The following ZKSCAN7 variants were observed in gnomAD, a reference collection of about 807,000 sequenced individuals.
ZKSCAN7 encodes zinc finger protein with KRAB and SCAN domains 7.
ZKSCAN7 carries 38 observed loss-of-function variants against 65.3 expected under a neutral mutation model. The observed-to-expected ratio is 0.58, with a 90% CI of 0.45 to 0.76. The LOEUF (loss-of-function observed/expected upper bound fraction) is 0.76, where lower values mean the gene tolerates loss of function less well. ZKSCAN7 is among the 30% of genes least tolerant of loss of function. The pLI is 0.00. For missense variants in ZKSCAN7, 815 were observed against 913.3 expected (o/e 0.89, Z 1.39); for synonymous variants, 321 against 321.0 (o/e 1.00, Z 0.00).
In ZKSCAN7 at chr3:44,568,350, A is replaced by T; in HGVS notation, c.728A>T (p.Lys243Met). The T allele has an allele frequency of 6.2e-7, 1 of 1,614,160 alleles. No homozygotes were observed. Among genetic ancestry groups the T allele is most frequent in the Non-Finnish European group, 8.5e-7 (1 of 1,180,028 alleles). Residue 243 changes from lysine (K) to methionine (M), a missense_variant, in exon 5 of 6, where the codon AAG becomes ATG. Physicochemically the swap from Lys to Met is moderately conservative, Grantham distance 95. Coordinates refer to ENST00000426540, the MANE Select transcript of ZKSCAN7 (RefSeq NM_001288590.2). ...GACCTATCTGTAGACTACACTCAGA[A>T]GAAATGGAAAAGTCTCACACTCAGT... The part of the protein sequence containing the change: ...YEDLSVDYTQ[K>M]KWKSLTLSQR...
In ZKSCAN7 at chr3:44,572,082, T is replaced by A. The variant is rs1699822054; in HGVS notation, c.*707T>A. On this transcript the variant is annotated 3_prime_UTR_variant, in exon 6 of 6. Transcript: ENST00000426540. ...CCAACTTATTGTAGGCTCTTTGAGG[T>A]CAGGTATGTATTTCTTTCCCATATA... The A allele has an allele frequency of 4.1e-6, 4 of 984,392 alleles. No homozygotes were observed. The highest frequency in any genetic ancestry group is 4.8e-6 in the Non-Finnish European group (4 of 828,970). 61.0% of individuals were successfully genotyped at this position (984,392 alleles called of 1,614,324 possible).
chr3:44,569,205 G>C (rs1034727254), intron 5 of ZKSCAN7, among the ~76,000 whole-genome samples: 3 of 152,186 alleles, frequency 2.0e-5, no homozygotes, highest in Non-Finnish European at 4.4e-5. Context: ...AGTACCTGGT[G>C]CCAGTCCAAT....
chr3:44,560,799 C>T (rs62242341), intron 2 of ZKSCAN7, among the ~76,000 whole-genome samples: 3,149 of 152,316 alleles, frequency 0.021, 46 homozygotes, highest in Non-Finnish European at 0.032. Flanking sequence ...TGAGCCACCA[C>T]GCCTGGCCTG....
chr3:44,573,264 C>CCTTCT (rs1386623924), downstream of ZKSCAN7, among the ~76,000 whole-genome samples: 4 of 152,226 alleles, frequency 2.6e-5, no homozygotes, highest in Non-Finnish European at 5.9e-5. Flanking sequence ...TTGTCTACCT[C>CCTTCT]CTTCTCTTTC....
At chr3:44,556,664 G>A (rs1699302771) in intron 1 of ZKSCAN7, among the ~76,000 whole-genome samples, 1 of 152,222 alleles carries the variant, frequency 6.6e-6, no homozygotes, top group African/African-American at 2.4e-5. Flanking sequence ...TACTTGGGGT[G>A]AGTGGTAGAG....
chr3:44,578,478 G>A (rs1021498767), intron 5 of ZKSCAN7, among the ~76,000 whole-genome samples: 6 of 152,226 alleles, frequency 3.9e-5, no homozygotes, highest in Admixed American at 1.3e-4. Context: ...TGGTTCTCAC[G>A]CTGGCACTGC....
Position 44,571,006 on chromosome 3 carries a change from A to G in ZKSCAN7, c.1896A>G (p.Glu632=). The G allele has an allele frequency of 6.2e-7, 1 of 1,614,124 alleles. No homozygotes were observed. Among genetic ancestry groups the G allele is most frequent in the Non-Finnish European group, 8.5e-7 (1 of 1,180,014 alleles). The change falls in exon 6 of 6, where the codon GAA becomes GAG. Residue 632 remains glutamate, a synonymous_variant. Coordinates refer to ENST00000426540, the MANE Select transcript of ZKSCAN7 (RefSeq NM_001288590.2). Reference sequence around the variant, plus strand: ...GGCACCAGAGACTTCACACGGGTGAAAAGCCCTATAAATGCAATGAGTGTG... The same window carrying G: ...GGCACCAGAGACTTCACACGGGTGAGAAGCCCTATAAATGCAATGAGTGTG... ...LIRHQRLHTG[E]KPYKCNECGK...
At chr3:44,579,959 G>A (rs986746784) in intron 5 of ZKSCAN7, 23 of 1,547,332 alleles carry the variant, frequency 1.5e-5, no homozygotes, top group East Asian at 5.0e-5. Context: ...AAGCCGAGGC[G>A]TCTGGGAGAG....
At chr3:44,579,322 G>A (rs1282467930) in intron 5 of ZKSCAN7, among the ~76,000 whole-genome samples, 1 of 150,320 alleles carries the variant, frequency 6.7e-6, no homozygotes, top group Non-Finnish European at 1.5e-5. Flanking sequence ...CAGGGCGCAG[G>A]GGCTCGTGGG....
intron 1 of ZKSCAN7, 180 bp downstream of exon 1, chr3:44,555,661 C>G (rs944363704): frequency 6.6e-6 from 1 of 152,174 alleles, no homozygotes; most frequent in African/African-American, 2.4e-5. Flanking sequence ...GCTGAGCATT[C>G]GGAACACTAT....
At position 44,572,111 on chromosome 3, in the gene ZKSCAN7, A is replaced by G. The variant is rs1489744712; in HGVS notation, c.*736A>G. ...GTATGTATTTCTTTCCCATATAGAT[A>G]GTATTTTGTACATACCAGTTGTTAA... On this transcript the variant is annotated 3_prime_UTR_variant, in exon 6 of 6. Coordinates refer to ENST00000426540, the MANE Select transcript of ZKSCAN7 (RefSeq NM_001288590.2). 5 of 983,164 alleles carry G rather than the reference A, an allele frequency of 5.1e-6. No homozygotes were observed. The highest frequency in any genetic ancestry group is 1.7e-5 in the African/African-American group (1 of 57,182). 60.9% of individuals were successfully genotyped at this position (983,164 alleles called of 1,614,324 possible).
At chr3:44,564,932 C>G (rs1344631989) in intron 2 of ZKSCAN7, among the ~76,000 whole-genome samples, 2 of 152,156 alleles carry the variant, frequency 1.3e-5, no homozygotes, top group African/African-American at 4.8e-5. Flanking sequence ...TCCCAAGTAG[C>G]TGGGACTACA....
Position 44,563,359 on chromosome 3 carries a change from A to G in ZKSCAN7, c.424-2128A>G, listed in dbSNP as rs116654109. ...GCAGTGCCCCACTTTCCTGGTACCA[A>G]TTTTCTATGTTAGTCCTTTTTCACA... On this transcript the variant is annotated intron_variant, in intron 2 of 5. Coordinates refer to ENST00000426540, the MANE Select transcript of ZKSCAN7 (RefSeq NM_001288590.2). Among the ~76,000 whole-genome samples the G allele has an allele frequency of 8.2e-3, 1,245 of 152,110 alleles. 20 individuals carry two copies. Among genetic ancestry groups the G allele is most frequent in the African/African-American group, 0.029 (1,194 of 41,480 alleles).
In ZKSCAN7 at chr3:44,578,991, CCTT is replaced by C. The variant is rs561301911; in HGVS notation, c.812-3977_812-3975del. The stretch of plus-strand genomic sequence containing the variant: ...GCCTCCTTCTGGCTCTGCTCCAGCT[CCTT>C]CTTGAGCAGAGAGGTCAGCTCGTGT... On this transcript the variant is annotated intron_variant, in intron 5 of 5. Transcript: ENST00000341840. 8.5e-5 allele frequency among the ~76,000 whole-genome samples: 13 copies of C among 152,352 alleles called. No homozygotes were observed. In the East Asian group the frequency reaches 2.1e-3, roughly 25 times the overall value.
intron 5 of ZKSCAN7, among the ~76,000 whole-genome samples, chr3:44,577,290 T>TG (rs1039193840): frequency 7.3e-5 from 11 of 151,724 alleles, no homozygotes; most frequent in Non-Finnish European, 1.2e-4. Flanking sequence ...TCTTTTTTTT[T>TG]TTGTTTTTTT....
intron 2 of ZKSCAN7, among the ~76,000 whole-genome samples, chr3:44,558,331 C>T (rs1405773112): frequency 6.6e-6 from 1 of 152,002 alleles, no homozygotes; most frequent in Non-Finnish European, 1.5e-5. Flanking sequence ...TTGAGACCAG[C>T]CTGGCCAACA....
rs1699761697 is a variant in ZKSCAN7 at position 44,570,317 on chromosome 3, A to C, written c.1207A>C (p.Arg403=). 8 of 1,614,252 alleles carry C rather than the reference A, an allele frequency of 5.0e-6. No individual in the cohort carries two copies. The highest frequency in any genetic ancestry group is 6.8e-6 in the Non-Finnish European group (8 of 1,180,048). The change falls in exon 6 of 6, where the codon AGA becomes CGA. Residue 403 remains arginine, a synonymous_variant. Coordinates refer to ENST00000426540, the MANE Select transcript of ZKSCAN7 (RefSeq NM_001288590.2). ...GAGTTCTCACCTTATTGGCCATCAG[A>C]GAATCCACACTGGAGAGAAACCCTA... The part of the protein sequence containing the change: ...NRSSHLIGHQ[R]IHTGEKPYEC...
downstream of ZKSCAN7, among the ~76,000 whole-genome samples, chr3:44,574,315 T>C (rs1198915401): frequency 2.0e-5 from 3 of 152,182 alleles, no homozygotes; most frequent in Admixed American, 6.5e-5. Context: ...GTTTTCACCA[T>C]GTTGCCCAGG....
chr3:44,557,602 G>A (rs1225266651), intron 2 of ZKSCAN7, 132 bp downstream of exon 2: 29 of 1,300,040 alleles, frequency 2.2e-5, no homozygotes, highest in Non-Finnish European at 2.1e-6. Flanking sequence ...CCTGTGGATA[G>A]AGGGAAAATA....
Sources: allele counts gnomAD v4.1 joint callset (sites outside exome capture counted in the v4.1 genomes callset), GRCh38; gene constraint gnomAD v4.1.1; transcripts MANE v1.5; gene names NCBI Gene and HGNC (gene_info 2026-07-23, HGNC 2026-07-21).